TTC21A: variants seen among roughly 807,000 people sequenced by gnomAD.
TTC21A encodes the protein tetratricopeptide repeat protein 21A.
Under a neutral mutation model 156.4 loss-of-function variants are expected in TTC21A, and 128 were observed. That is an observed-to-expected ratio of 0.82 (90% CI 0.71 to 0.95). The LOEUF (loss-of-function observed/expected upper bound fraction) is 0.95. TTC21A is among the 40% of genes least tolerant of loss of function. The probability of loss-of-function intolerance (pLI) is 0.00; values close to 1 mark genes in which losing one functional copy is unlikely to be tolerated. For missense variants in TTC21A, 1,435 were observed against 1,602.3 expected, an observed-to-expected ratio of 0.90 and a Z score of 1.78; for synonymous variants, 587 against 617.1, an observed-to-expected ratio of 0.95 and a Z score of 0.72.
In TTC21A at chr3:39,130,487, TG is replaced by T. The variant is rs1205082685; in HGVS notation, c.2319+133del. 2 of 942,662 alleles carry T rather than the reference TG, an allele frequency of 2.1e-6. No homozygotes were observed. The highest frequency in any genetic ancestry group is 1.6e-6 in the Non-Finnish European group (1 of 629,406). 58.4% of individuals were successfully genotyped at this position (942,662 alleles called of 1,614,324 possible). A position where few individuals can be genotyped will look rare whatever the true frequency, so the allele number is the denominator to read the frequency against. On this transcript the variant is annotated intron_variant, in intron 17 of 28. Coordinates refer to ENST00000683103, the MANE Select transcript of TTC21A (RefSeq NM_001366900.1). This position sits in a 1 kb window ranked among gnomAD's most constrained non-coding sequence, Gnocchi z 4.5. ...ACTTTTCACTCAGCTCCTTGCTGAATGGGGTGCCAAGGGGAGAACTCAGCAA... is the reference window on the plus strand; with the variant it reads ...ACTTTTCACTCAGCTCCTTGCTGAATGGGTGCCAAGGGGAGAACTCAGCAA...
chr3:39,113,596 T>C (rs1389856549), intron 5 of TTC21A, among the ~76,000 whole-genome samples: 1 of 152,118 alleles, frequency 6.6e-6, no homozygotes, highest in Non-Finnish European at 1.5e-5. Context: ...CTCCTGATGG[T>C]AGGGGGTGGG....
chr3:39,137,877 A>G, intron 26 of TTC21A, 167 bp downstream of exon 26: 1 of 727,248 alleles, frequency 1.4e-6, no homozygotes, highest in Non-Finnish European at 2.3e-6. Context: ...AGGAATGAGG[A>G]TCAAGGGCGA....
intron 12 of TTC21A, among the ~76,000 whole-genome samples, chr3:39,127,108 CA>C (rs1219199348): frequency 6.6e-6 from 1 of 152,200 alleles, no homozygotes; most frequent in African/African-American, 2.4e-5. Context: ...TCTCAAGGCC[CA>C]GACCCTGGAG....
In TTC21A at chr3:39,126,322, C is replaced by T. The variant is rs775367164; in HGVS notation, c.1454C>T (p.Pro485Leu). ...AAACAAGTCGCCGTGATCTTGAATC[C>T]TGTAGTCAAAGCAGCACCAGCTCTG... is the stretch of plus-strand genomic sequence containing the variant. Reference protein sequence around the residue: ...LLKQVAVILNPVVKAAPALID... With the variant: ...LLKQVAVILNLVVKAAPALID... Residue 485 changes from proline to leucine, a missense_variant, in exon 12 of 29, where the codon CCT becomes CTT. Physicochemically the swap from Pro to Leu is moderately conservative, Grantham distance 98. Transcript: ENST00000683103. The T allele has an allele frequency of 1.1e-5, 17 of 1,613,968 alleles. No individual in the cohort carries two copies. The highest frequency in any genetic ancestry group is 1.2e-5 in the Non-Finnish European group (14 of 1,180,016).
intron 11 of TTC21A, among the ~76,000 whole-genome samples, chr3:39,125,979 C>A (rs1230987466): frequency 6.6e-6 from 1 of 152,176 alleles, no homozygotes; most frequent in Non-Finnish European, 1.5e-5. Context: ...TTTTTATACA[C>A]CTTAATATCC....
At chr3:39,108,618 CTT>C (rs1212204265) in intron 1 of TTC21A, among the ~76,000 whole-genome samples, 4 of 152,214 alleles carry the variant, frequency 2.6e-5, no homozygotes. Flanking sequence ...GGAAGTGAAA[CTT>C]AACTTTAAAA....
chr3:39,135,048 G>C, intron 21 of TTC21A, 45 bp from the exon 22 acceptor site: 6 of 1,399,300 alleles, frequency 4.3e-6, no homozygotes, highest in Non-Finnish European at 5.0e-6. Context: ...ACCCATGCAA[G>C]CTGCCACTGT....
At chr3:39,119,879 C>G (rs755803401) in intron 7 of TTC21A, 43 bp from the exon 8 acceptor site, 3 of 1,397,532 alleles carry the variant, frequency 2.1e-6, no homozygotes, top group East Asian at 2.3e-5. Flanking sequence ...GCAACTCTGA[C>G]CTTGCACCTT....
Position 39,134,652 on chromosome 3 carries a change from C to T in TTC21A, c.2862+324C>T, listed in dbSNP as rs1409535123. 12 of 491,772 alleles carry T rather than the reference C, an allele frequency of 2.4e-5. No homozygotes were observed. The highest frequency in any genetic ancestry group is 4.1e-5 in the South Asian group (2 of 49,058). The allele number at this position is 491,772 out of a possible 1,614,324, so 30.5% of individuals were successfully genotyped here. On this transcript the variant is annotated intron_variant, in intron 21 of 28. Coordinates refer to ENST00000683103, the MANE Select transcript of TTC21A (RefSeq NM_001366900.1). The surrounding 1 kb of genome is among the most constrained non-coding windows in gnomAD (Gnocchi z 4.6). ...CTGGGGCTTCAGGAAAAGCCCTCCT[C>T]GGTCCTGCCTCTCTCTTCCCTATCA...
At chr3:39,129,954 T>C in intron 15 of TTC21A, 125 bp from the exon 16 acceptor site, 1 of 1,033,534 alleles carries the variant, frequency 9.7e-7, no homozygotes, top group Non-Finnish European at 1.5e-6. Flanking sequence ...GGACTTTCTA[T>C]AAATATTGAT....
At chr3:39,117,912 T>C (rs545871295) in intron 6 of TTC21A, among the ~76,000 whole-genome samples, 157 bp from the exon 7 acceptor site, 4 of 152,324 alleles carry the variant, frequency 2.6e-5, no homozygotes, top group Admixed American at 2.6e-4. Flanking sequence ...GGGAAATGTC[T>C]TTATTCTGAG....
At chr3:39,116,482 C>A (rs2037296336) in intron 6 of TTC21A, among the ~76,000 whole-genome samples, 1 of 151,008 alleles carries the variant, frequency 6.6e-6, no homozygotes, top group South Asian at 2.1e-4. Context: ...TTCTGCCCCC[C>A]CCTTTTTTTG....
At chr3:39,109,310 G>A (rs1257751878) in intron 2 of TTC21A, 96 bp downstream of exon 2, 1 of 1,401,862 alleles carries the variant, frequency 7.1e-7, no homozygotes, top group South Asian at 1.3e-5. Context: ...CCTAGTTATG[G>A]TCCCATAAAA....
intron 3 of TTC21A, chr3:39,110,490 A>G: frequency 4.0e-6 from 2 of 500,240 alleles, no homozygotes; most frequent in Non-Finnish European, 7.3e-6. Context: ...TTCTAGAGTC[A>G]GGGAGAGGGT....
At position 39,107,761 on chromosome 3, in the gene TTC21A, T is replaced by C. The variant is rs941674198; in HGVS notation, c.-77T>C. The stretch of plus-strand genomic sequence containing the variant: ...CCTTCAACCGCCCGCCGCGATAGAG[T>C]GCCCACGACCCTGCCTCGGGAATCC... On this transcript the variant is annotated 5_prime_UTR_variant, in exon 1 of 29. Transcript: ENST00000683103. The C allele has an allele frequency of 5.0e-6, 8 of 1,595,498 alleles. No homozygotes were observed. The highest frequency in any genetic ancestry group is 6.8e-6 in the Non-Finnish European group (8 of 1,168,210).
At position 39,107,711 on chromosome 3, in the gene TTC21A, A is replaced by C; in HGVS notation, c.-127A>C. 1.4e-6 allele frequency: 2 copies of C among 1,409,996 alleles called. No homozygotes were observed. Among genetic ancestry groups the C allele is most frequent in the Non-Finnish European group, 2.0e-6 (2 of 1,010,956 alleles). 87.3% of individuals were successfully genotyped at this position (1,409,996 alleles called of 1,614,324 possible). On this transcript the variant is annotated 5_prime_UTR_variant, in exon 1 of 29. Coordinates refer to ENST00000683103, the MANE Select transcript of TTC21A (RefSeq NM_001366900.1). ...TGGACGCTCCTAGCAACCGGCTAGC[A>C]GCTCGGTTTCCAAGGACTGTAACGC... is the stretch of plus-strand genomic sequence containing the variant.
chr3:39,128,244 G>A (rs2038425720), intron 12 of TTC21A, 87 bp from the exon 13 acceptor site: 30 of 1,424,630 alleles, frequency 2.1e-5, no homozygotes, highest in Non-Finnish European at 2.9e-5. Context: ...TGGGGAACAG[G>A]ACATGTAAAA....
Position 39,135,289 on chromosome 3 carries a change from C to A in TTC21A, c.2944+115C>A, listed in dbSNP as rs766233136. On this transcript the variant is annotated intron_variant, in intron 22 of 28. Transcript: ENST00000683103. ...GACTGGGCAGAGGAAGCCCCTTCCT[C>A]CCTGATTGTTCCAGAGAAGCAGGAA... The A allele has an allele frequency of 4.5e-6, 4 of 891,824 alleles. No individual in the cohort carries two copies. The Admixed American group carries it at 6.0e-5, about 13-fold the overall frequency. 55.2% of individuals were successfully genotyped at this position (891,824 alleles called of 1,614,324 possible). A position where few individuals can be genotyped will look rare whatever the true frequency, so the allele number is the denominator to read the frequency against.
intron 5 of TTC21A, 38 bp downstream of exon 5, chr3:39,112,618 G>A: frequency 6.2e-7 from 1 of 1,609,318 alleles, no homozygotes; most frequent in South Asian, 1.1e-5. Context: ...AGTATTCCTG[G>A]CCAGGCCACT....
Sources: gnomAD v4.1 joint callset for allele counts (sites outside exome capture counted in the v4.1 genomes callset) on GRCh38, gnomAD v4.1.1 for gene constraint, Gnocchi (gnomAD v3.1) non-coding constraint, MANE v1.5 for transcripts, NCBI Gene and HGNC (gene_info 2026-07-23, HGNC 2026-07-21) for gene names.